ARSB: variants seen among roughly 807,000 people sequenced by gnomAD.
ARSB encodes N-acetylgalactosamine-4-sulfatase.
A neutral mutation model predicts 50.9 loss-of-function variants in ARSB; 41 were observed. The ratio of observed to expected loss-of-function variants is 0.81; its 90% CI spans 0.63 to 1.04. The LOEUF (loss-of-function observed/expected upper bound fraction) is 1.04. ARSB is among the 50% of genes least tolerant of loss of function. The pLI is 0.00. For missense variants in ARSB, 672 were observed against 693.3 expected (o/e 0.97, Z 0.35); for synonymous variants, 269 against 284.8 (o/e 0.94, Z 0.56).
intron 1 of ARSB, among the ~76,000 whole-genome samples, chr5:78,974,360 C>G (rs1752580842): frequency 6.6e-6 from 1 of 152,172 alleles, no homozygotes; most frequent in South Asian, 2.1e-4. Flanking sequence ...GAGTGCAAAT[C>G]TCTGACTAAA....
chr5:78,891,537 A>G (rs950119018), intron 4 of ARSB, among the ~76,000 whole-genome samples: 2 of 152,194 alleles, frequency 1.3e-5, no homozygotes, highest in African/African-American at 2.4e-5. Context: ...AACAGGATGG[A>G]CAAGGTCCTG....
At chr5:78,855,807 T>C (rs1171185326) in intron 5 of ARSB, among the ~76,000 whole-genome samples, 9 of 152,090 alleles carry the variant, frequency 5.9e-5, no homozygotes, top group Admixed American at 5.9e-4. Flanking sequence ...CTCCTTGCAG[T>C]AGGGAAACGT....
intron 6 of ARSB, among the ~76,000 whole-genome samples, chr5:78,813,687 C>G (rs1743894294): frequency 6.6e-6 from 1 of 151,932 alleles, no homozygotes; most frequent in Admixed American, 6.6e-5. Context: ...AGCCAGGGAG[C>G]TCAAGGCTGC....
intron 5 of ARSB, among the ~76,000 whole-genome samples, chr5:78,865,376 C>A (rs1396607920): frequency 6.6e-6 from 1 of 152,170 alleles, no homozygotes; most frequent in African/African-American, 2.4e-5. Context: ...CCCTTTTGGC[C>A]ATGGCTGGAG....
chr5:78,839,526 T>A, intron 5 of ARSB, 100 bp from the exon 6 acceptor site: 3 of 1,090,708 alleles, frequency 2.8e-6, no homozygotes, highest in Non-Finnish European at 4.1e-6. Flanking sequence ...ATAACAAACC[T>A]GCCAGTTAAC....
In ARSB at chr5:78,969,166, T is replaced by A. The variant is rs762897195; in HGVS notation, c.339A>T (p.Ile113=). Residue 113 remains isoleucine (I), a synonymous_variant, in exon 2 of 8, where the codon ATA becomes ATT. Transcript: ENST00000264914. The part of the protein sequence containing the change: ...YQIRTGLQHQ[I]IWPCQPSCVP... ...CACAGCTGGGCTGACAGGGCCAGAT[T>A]ATTTGGTGCTGTAAACCTGTACGGA... 3 of 1,614,132 alleles carry A rather than the reference T, an allele frequency of 1.9e-6. No homozygotes were observed. Among genetic ancestry groups the A allele is most frequent in the South Asian group, 2.2e-5 (2 of 91,082 alleles).
At chr5:78,881,200 C>A (rs141685855) in intron 5 of ARSB, among the ~76,000 whole-genome samples, 379 of 151,982 alleles carry the variant, frequency 2.5e-3, no homozygotes, top group African/African-American at 8.8e-3. Context: ...TCACTGCACT[C>A]CAGTCTGGGT....
At chr5:78,980,477 G>T (rs1472715441) in intron 1 of ARSB, among the ~76,000 whole-genome samples, 1 of 152,106 alleles carries the variant, frequency 6.6e-6, no homozygotes, top group African/African-American at 2.4e-5. Context: ...TATGCAACTG[G>T]CTAAATAAAC....
chr5:78,904,685 C>CTTTTT (rs55920994), intron 4 of ARSB, among the ~76,000 whole-genome samples: 13 of 98,904 alleles, frequency 1.3e-4, no homozygotes, highest in Admixed American at 2.2e-4. Flanking sequence ...TTCTTTCTTT[C>CTTTTT]TTTTTTTTTT....
At chr5:78,985,505 G>C (rs1032858746), upstream of ARSB, 3 of 279,320 alleles carry the variant, frequency 1.1e-5, no homozygotes, top group Non-Finnish European at 2.0e-5. Flanking sequence ...CTGACGCTTG[G>C]AGGGCACCAA....
At chr5:78,782,461 T>G (rs1561422232) in intron 6 of ARSB, among the ~76,000 whole-genome samples, 1 of 152,214 alleles carries the variant, frequency 6.6e-6, no homozygotes, top group Non-Finnish European at 1.5e-5. Flanking sequence ...TTTTAACAAC[T>G]CTTAAGGAAT....
At chr5:78,845,646 T>A (rs902964789) in intron 5 of ARSB, among the ~76,000 whole-genome samples, 1 of 152,164 alleles carries the variant, frequency 6.6e-6, no homozygotes, top group African/African-American at 2.4e-5. Flanking sequence ...TGAGCATTTT[T>A]AAAAATAAAT....
At chr5:78,812,063 T>C (rs942138178) in intron 6 of ARSB, among the ~76,000 whole-genome samples, 1 of 152,162 alleles carries the variant, frequency 6.6e-6, no homozygotes, top group African/African-American at 2.4e-5. Context: ...GCCACATCCT[T>C]GCATGTGCCT....
chr5:78,869,667 TG>T (rs1378618608), intron 5 of ARSB, among the ~76,000 whole-genome samples: 2 of 150,896 alleles, frequency 1.3e-5, no homozygotes, highest in African/African-American at 4.9e-5. Flanking sequence ...CAAAGCAGTG[TG>T]TAGAGGGAAA....
At chr5:78,834,607 G>GTATATATATATATATATATA (rs58773415) in intron 6 of ARSB, among the ~76,000 whole-genome samples, 1 of 85,602 alleles carries the variant, frequency 1.2e-5, no homozygotes, top group Non-Finnish European at 2.3e-5. Context: ...ATATATATGT[G>GTATATATATATATATATATA]TATATATATA....
At chr5:78,894,060 C>T (rs1462326646) in intron 4 of ARSB, among the ~76,000 whole-genome samples, 1 of 152,170 alleles carries the variant, frequency 6.6e-6, no homozygotes, top group African/African-American at 2.4e-5. Context: ...TTTGACTAGA[C>T]AGCTGTTTAT....
At chr5:78,942,154 C>G (rs1482637452) in intron 4 of ARSB, among the ~76,000 whole-genome samples, 1 of 152,190 alleles carries the variant, frequency 6.6e-6, no homozygotes. Flanking sequence ...TTTATTGCAT[C>G]TATTTGATTC....
At chr5:78,836,250 G>A (rs1006024706) in intron 6 of ARSB, among the ~76,000 whole-genome samples, 1 of 152,240 alleles carries the variant, frequency 6.6e-6, no homozygotes, top group African/African-American at 2.4e-5. Flanking sequence ...ATTGCCATGT[G>A]TGAGGAGGTG....
At chr5:78,890,688 C>T (rs1388837743) in intron 4 of ARSB, among the ~76,000 whole-genome samples, 3 of 152,258 alleles carry the variant, frequency 2.0e-5, no homozygotes, top group African/African-American at 4.8e-5. Flanking sequence ...ACTTCAGGCC[C>T]ACATATAGAA....
Sources: allele counts gnomAD v4.1 joint callset (sites outside exome capture counted in the v4.1 genomes callset), GRCh38; gene constraint gnomAD v4.1.1; transcripts MANE v1.5; gene names NCBI Gene and HGNC (gene_info 2026-07-23, HGNC 2026-07-21).